Variants in ASB1 observed in about 807,000 individuals in gnomAD.
ASB1 encodes ankyrin repeat and SOCS box protein 1.
Under a neutral mutation model 27.7 loss-of-function variants are expected in ASB1, and 18 were observed. The ratio of observed to expected loss-of-function variants is 0.65; its 90% CI spans 0.45 to 0.96. The LOEUF (loss-of-function observed/expected upper bound fraction) is 0.96, where lower values mean the gene tolerates loss of function less well. ASB1 is among the 50% of genes least tolerant of loss of function. The pLI is 0.00. For missense variants in ASB1, 397 were observed against 451.7 expected (o/e 0.88, Z 1.10); for synonymous variants, 189 against 187.6 (o/e 1.01, Z -0.06).
At chr2:238,441,763 A>G (rs1702082556) in intron 3 of ASB1, among the ~76,000 whole-genome samples, 1 of 152,326 alleles carries the variant, frequency 6.6e-6, no homozygotes, top group East Asian at 1.9e-4. Flanking sequence ...TCCAGCTGTT[A>G]GGGATGGTGC....
chr2:238,437,865 A>T (rs1041871513), intron 3 of ASB1, among the ~76,000 whole-genome samples: 5 of 152,172 alleles, frequency 3.3e-5, no homozygotes, highest in Non-Finnish European at 5.9e-5. Flanking sequence ...TTTCCTGTTG[A>T]AGGGTTTTAT....
At chr2:238,435,619 A>G (rs2106404960) in intron 2 of ASB1, 92 bp from the exon 3 acceptor site, 4 of 1,322,118 alleles carry the variant, frequency 3.0e-6, no homozygotes, top group Non-Finnish European at 4.1e-6. Context: ...CCAGAGGGGG[A>G]CCGTGTCCAT....
Position 238,447,969 on chromosome 2 carries a change from G to C in ASB1, c.*1458G>C, listed in dbSNP as rs1702211635. 6.6e-6 allele frequency: 1 copy of C among 152,308 alleles called. No individual in the cohort carries two copies. Among genetic ancestry groups the C allele is most frequent in the South Asian group, 2.1e-4 (1 of 4,840 alleles). The allele number at this position is 152,308 out of a possible 1,614,324, so 9.4% of individuals were successfully genotyped here. On this transcript the variant is annotated 3_prime_UTR_variant, in exon 5 of 5. Transcript: ENST00000264607. Reference sequence around the variant, plus strand: ...ACCCCAGCTGACCCGTGTATGTGCAGATGCAGTTCCGAAGGGAAGAACAGT... The same window carrying C: ...ACCCCAGCTGACCCGTGTATGTGCACATGCAGTTCCGAAGGGAAGAACAGT...
rs145065898 is a variant in ASB1, at chr2:238,439,251, T to C, written c.494+3238T>C. 3.9e-5 allele frequency among the ~76,000 whole-genome samples: 6 copies of C among 152,298 alleles called. No individual in the cohort carries two copies. The East Asian group carries it at 1.2e-3, about 29-fold the overall frequency. On this transcript the variant is annotated intron_variant, in intron 3 of 4. Coordinates refer to ENST00000264607, the MANE Select transcript of ASB1 (RefSeq NM_001040445.3). The stretch of plus-strand genomic sequence containing the variant: ...GAGTGGGTGGTGTTTGTGTTTGTAG[T>C]GGAAGCTTCATTGTCATGTGAGTGT...
chr2:238,446,350 C>G, intron 4 of ASB1, 34 bp from the exon 5 acceptor site: 1 of 1,557,512 alleles, frequency 6.4e-7, no homozygotes, highest in Non-Finnish European at 8.7e-7. Context: ...AATGAACCTT[C>G]CTCTATCCCT....
intron 4 of ASB1, among the ~76,000 whole-genome samples, chr2:238,445,851 G>A (rs1467266006): frequency 6.6e-6 from 1 of 152,234 alleles, no homozygotes; most frequent in Non-Finnish European, 1.5e-5. Flanking sequence ...AGAAGCAGCA[G>A]CTTGCGTTCA....
At position 238,448,138 on chromosome 2, in the gene ASB1, G is replaced by A. The variant is rs1382955616; in HGVS notation, c.*1627G>A. 1.3e-5 allele frequency: 2 copies of A among 152,412 alleles called. No individual in the cohort carries two copies. The highest frequency in any genetic ancestry group is 1.5e-5 in the Non-Finnish European group (1 of 68,186). The allele number at this position is 152,412 out of a possible 1,614,324, so 9.4% of individuals were successfully genotyped here. ...TTGGGATTGGGTCCTGCTGAAGCCA[G>A]GAGGGTCTTCCCAAGATAGGAGAGG... On this transcript the variant is annotated 3_prime_UTR_variant, in exon 5 of 5. Transcript: ENST00000264607.
Position 238,446,826 on chromosome 2 carries a change from T to G in ASB1, c.*315T>G. On this transcript the variant is annotated 3_prime_UTR_variant, in exon 5 of 5. Coordinates refer to ENST00000264607, the MANE Select transcript of ASB1 (RefSeq NM_001040445.3). ...GAGGTTGGAGGCCTACTAATTTCCC[T>G]GTAGGGAAGACTCCCAGCACTTCTG... 1 of 287,186 alleles carries G rather than the reference T, an allele frequency of 3.5e-6. No homozygotes were observed. The highest frequency in any genetic ancestry group is 4.3e-5 in the South Asian group (1 of 23,458). The allele number at this position is 287,186 out of a possible 1,614,324, so 17.8% of individuals were successfully genotyped here. A position where few individuals can be genotyped will look rare whatever the true frequency, so the allele number is the denominator to read the frequency against.
At chr2:238,429,097 C>T (rs1271056018) in intron 1 of ASB1, among the ~76,000 whole-genome samples, 1 of 152,194 alleles carries the variant, frequency 6.6e-6, no homozygotes, top group Admixed American at 6.5e-5. Flanking sequence ...CTGTCAAACC[C>T]TGCAGAGCCG....
chr2:238,446,730 C>T lies in ASB1; in HGVS notation c.*219C>T. 1.8e-6 allele frequency: 1 copy of T among 548,432 alleles called. No homozygotes were observed. The highest frequency in any genetic ancestry group is 3.3e-5 in the Admixed American group (1 of 30,644). 34.0% of individuals were successfully genotyped at this position (548,432 alleles called of 1,614,324 possible). ...ATACTAAAGTTATTATTGTTTTTCC[C>T]AAGTTCTCTGTTCTGGATTTTCAGT... is the stretch of plus-strand genomic sequence containing the variant. On this transcript the variant is annotated 3_prime_UTR_variant, in exon 5 of 5. Coordinates refer to ENST00000264607, the MANE Select transcript of ASB1 (RefSeq NM_001040445.3).
chr2:238,436,374 T>C (rs2106405446), intron 3 of ASB1, among the ~76,000 whole-genome samples: 1 of 152,280 alleles, frequency 6.6e-6, no homozygotes, highest in South Asian at 2.1e-4. Context: ...TGATTTCCTC[T>C]TTGTTCTTAG....
intron 2 of ASB1, 22 bp downstream of exon 2, chr2:238,433,717 T>C (rs1326241957): frequency 6.2e-7 from 1 of 1,612,754 alleles, no homozygotes; most frequent in Non-Finnish European, 8.5e-7. Context: ...TGCCCAGGGC[T>C]GGTCCGGGTA....
Position 238,450,320 on chromosome 2 carries a change from G to GGATTGTTCTTCAGAATAAA in ASB1, c.*3819_*3820insCAGAATAAAGATTGTTCTT, listed in dbSNP as rs1702258844. 1.3e-5 allele frequency: 2 copies of GGATTGTTCTTCAGAATAAA among 152,174 alleles called. No homozygotes were observed. 9.4% of individuals were successfully genotyped at this position (152,174 alleles called of 1,614,324 possible). A position where few individuals can be genotyped will look rare whatever the true frequency, so the allele number is the denominator to read the frequency against. ...TGAAGTCACATTTGTTCAACTTAAA[G>GGATTGTTCTTCAGAATAAA]GATTGTTCTTTATTCTGAAGTTATT... is the stretch of plus-strand genomic sequence containing the variant. On this transcript the variant is annotated 3_prime_UTR_variant, in exon 5 of 5. Coordinates refer to ENST00000264607, the MANE Select transcript of ASB1 (RefSeq NM_001040445.3).
rs1248898264 is a variant in ASB1, at chr2:238,451,703, G to C, written c.*5192G>C. The C allele has an allele frequency of 1.3e-5, 2 of 152,616 alleles. No homozygotes were observed. Among genetic ancestry groups the C allele is most frequent in the African/African-American group, 4.8e-5 (2 of 41,420 alleles). The allele number at this position is 152,616 out of a possible 1,614,324, so 9.5% of individuals were successfully genotyped here. Reference sequence around the variant, plus strand: ...AAAGCATAATGAACACTTTTGATATGATATTGTAACTTTAGTAAATGCTTT... The same window carrying C: ...AAAGCATAATGAACACTTTTGATATCATATTGTAACTTTAGTAAATGCTTT... On this transcript the variant is annotated 3_prime_UTR_variant, in exon 5 of 5. Transcript: ENST00000264607.
chr2:238,439,572 TTCCTA>T (rs1275140439), intron 3 of ASB1, among the ~76,000 whole-genome samples: 1 of 152,186 alleles, frequency 6.6e-6, no homozygotes, highest in Non-Finnish European at 1.5e-5. Flanking sequence ...ATATTGTCCT[TTCCTA>T]TTACAAATGA....
chr2:238,446,321 C>T, intron 4 of ASB1, 63 bp from the exon 5 acceptor site: 1 of 1,515,358 alleles, frequency 6.6e-7, no homozygotes, highest in Non-Finnish European at 8.8e-7. Flanking sequence ...GCTGCCTTTT[C>T]TCTCTATAAC....
At chr2:238,440,889 C>T (rs953382536) in intron 3 of ASB1, among the ~76,000 whole-genome samples, 9 of 152,126 alleles carry the variant, frequency 5.9e-5, no homozygotes, top group Non-Finnish European at 1.0e-4. Flanking sequence ...TTAGGAGGGG[C>T]GGCCTAGGGG....
At chr2:238,444,229 T>G in intron 3 of ASB1, 113 bp from the exon 4 acceptor site, 1 of 1,192,160 alleles carries the variant, frequency 8.4e-7, no homozygotes, top group Non-Finnish European at 1.2e-6. Flanking sequence ...GCGCCTGGTG[T>G]CACTGAATCA....
rs1702285512 is a variant in ASB1, at chr2:238,451,541, G to A, written c.*5030G>A. 1 of 152,856 alleles carries A rather than the reference G, an allele frequency of 6.5e-6. No individual in the cohort carries two copies. The highest frequency in any genetic ancestry group is 1.5e-5 in the Non-Finnish European group (1 of 68,298). The allele number at this position is 152,856 out of a possible 1,614,324, so 9.5% of individuals were successfully genotyped here. A position where few individuals can be genotyped will look rare whatever the true frequency, so the allele number is the denominator to read the frequency against. ...GAGGCATGACTTGGAGGGGGGCCTG[G>A]TGCCTGGGGACCTGCTGAAGAGAAT... is the stretch of plus-strand genomic sequence containing the variant. On this transcript the variant is annotated 3_prime_UTR_variant, in exon 5 of 5. Coordinates refer to ENST00000264607, the MANE Select transcript of ASB1 (RefSeq NM_001040445.3).
Sources: gnomAD v4.1 joint callset for allele counts (sites outside exome capture counted in the v4.1 genomes callset) on GRCh38, gnomAD v4.1.1 for gene constraint, MANE v1.5 for transcripts, NCBI Gene and HGNC (gene_info 2026-07-23, HGNC 2026-07-21) for gene names.